Variants in SLC9A2 observed in about 807,000 individuals in gnomAD.
SLC9A2 encodes the protein solute carrier family 9 member A2.
A neutral mutation model predicts 71.7 loss-of-function variants in SLC9A2; 42 were observed. The ratio of observed to expected loss-of-function variants is 0.59; its 90% CI spans 0.46 to 0.76. The LOEUF is 0.76. Ranked by LOEUF, SLC9A2 falls within the 30% of genes least tolerant of loss-of-function variation. The pLI is 0.00. For missense variants in SLC9A2, 829 were observed against 1,017.4 expected (o/e 0.81, Z 2.52); for synonymous variants, 396 against 392.5 (o/e 1.01, Z -0.10).
chr2:102,662,720 A>G (rs1013019110), intron 2 of SLC9A2, among the ~76,000 whole-genome samples: 1 of 151,810 alleles, frequency 6.6e-6, no homozygotes, highest in African/African-American at 2.4e-5. Context: ...TTTATGGAAC[A>G]GTGATGAAAT....
chr2:102,622,355 C>T (rs763751436), intron 1 of SLC9A2, among the ~76,000 whole-genome samples: 1 of 152,202 alleles, frequency 6.6e-6, no homozygotes, highest in Admixed American at 6.5e-5. Flanking sequence ...AAGGCTCCAT[C>T]GCTGGAGGGC....
rs1327056487 is a variant in SLC9A2 at position 102,632,037 on chromosome 2, T to TAC, written c.289+11902_289+11903dup. ...ATATATATATATATATATATATATATACATACACACACACATATATATACA... is the reference window on the plus strand; with the variant it reads ...ATATATATATATATATATATATATATACACATACACACACACATATATATACA... On this transcript the variant is annotated intron_variant, in intron 1 of 11. Transcript: ENST00000233969. 1.9e-3 allele frequency among the ~76,000 whole-genome samples: 115 copies of TAC among 60,838 alleles called. 2 individuals are homozygous for TAC. Among genetic ancestry groups the TAC allele is most frequent in the Middle Eastern group, 0.013 (1 of 76 alleles). 39.9% of individuals were successfully genotyped at this position (60,838 alleles called of 152,430 possible).
At chr2:102,669,837 C>T (rs112003002) in intron 3 of SLC9A2, among the ~76,000 whole-genome samples, 14 of 152,026 alleles carry the variant, frequency 9.2e-5, no homozygotes, top group African/African-American at 3.4e-4. Context: ...CACTTTTGGA[C>T]TTCAGGCTCC....
At chr2:102,644,070 A>G (rs1487152648) in intron 1 of SLC9A2, among the ~76,000 whole-genome samples, 3 of 152,118 alleles carry the variant, frequency 2.0e-5, no homozygotes, top group African/African-American at 7.2e-5. Context: ...CCAAATAGGA[A>G]CAGCTCCCAG....
At chr2:102,649,854 T>C (rs964048332) in intron 1 of SLC9A2, among the ~76,000 whole-genome samples, 2 of 152,150 alleles carry the variant, frequency 1.3e-5, no homozygotes, top group Non-Finnish European at 2.9e-5. Context: ...TAGGAAAGCT[T>C]TTACACTGTC....
chr2:102,639,778 C>G (rs1422734645), intron 1 of SLC9A2, among the ~76,000 whole-genome samples: 1 of 152,134 alleles, frequency 6.6e-6, no homozygotes, highest in Non-Finnish European at 1.5e-5. Flanking sequence ...ATTCTAGGTA[C>G]CTTATGTAAG....
intron 1 of SLC9A2, among the ~76,000 whole-genome samples, chr2:102,636,103 T>C (rs1328098671): frequency 1.3e-5 from 2 of 152,200 alleles, no homozygotes; most frequent in African/African-American, 4.8e-5. Context: ...TAGAACTATA[T>C]GGAACTGTAA....
At chr2:102,687,351 G>C (rs763944940) in intron 5 of SLC9A2, among the ~76,000 whole-genome samples, 1 of 152,064 alleles carries the variant, frequency 6.6e-6, no homozygotes, top group African/African-American at 2.4e-5. Context: ...CTTCAGAAAA[G>C]ATATCTTTTC....
intron 2 of SLC9A2, among the ~76,000 whole-genome samples, chr2:102,659,673 A>T (rs2104521585): frequency 6.6e-6 from 1 of 152,346 alleles, no homozygotes; most frequent in Admixed American, 6.5e-5. Context: ...AATCCGCTTC[A>T]TATATTCCAT....
At chr2:102,680,068 C>T (rs1330801425) in intron 3 of SLC9A2, among the ~76,000 whole-genome samples, 1 of 145,352 alleles carries the variant, frequency 6.9e-6, no homozygotes, top group Non-Finnish European at 1.6e-5. Context: ...TAATAAAACC[C>T]TTTTGAAGTA....
At chr2:102,636,804 G>A (rs1384258096) in intron 1 of SLC9A2, among the ~76,000 whole-genome samples, 4 of 152,150 alleles carry the variant, frequency 2.6e-5, no homozygotes, top group Non-Finnish European at 5.9e-5. Context: ...CGCCCTAGTG[G>A]CCCTTCCCCC....
chr2:102,676,707 C>G (rs1351747884), intron 3 of SLC9A2, among the ~76,000 whole-genome samples: 1 of 152,196 alleles, frequency 6.6e-6, no homozygotes. Flanking sequence ...CATTCATGCC[C>G]TGGAATAATT....
intron 1 of SLC9A2, among the ~76,000 whole-genome samples, chr2:102,623,755 T>C (rs114964273): frequency 0.021 from 3,165 of 152,202 alleles, 118 homozygotes; most frequent in African/African-American, 0.072. Context: ...TTGTGTAGTG[T>C]ACCTGACCTT....
chr2:102,671,392 C>T (rs544381274), intron 3 of SLC9A2, among the ~76,000 whole-genome samples: 3 of 152,104 alleles, frequency 2.0e-5, no homozygotes, highest in Non-Finnish European at 4.4e-5. Context: ...TAAAATGATG[C>T]GAGAAATTAA....
chr2:102,642,916 T>C (rs1464321919), intron 1 of SLC9A2, among the ~76,000 whole-genome samples: 1 of 151,998 alleles, frequency 6.6e-6, no homozygotes, highest in Non-Finnish European at 1.5e-5. Context: ...CAAACTGCAG[T>C]TGGTGTTTTT....
intron 3 of SLC9A2, among the ~76,000 whole-genome samples, chr2:102,667,766 C>A (rs1423989691): frequency 1.3e-5 from 2 of 152,034 alleles, no homozygotes; most frequent in African/African-American, 4.8e-5. Context: ...TTCTTTATTA[C>A]ATTTAAACTA....
In SLC9A2 at chr2:102,709,359, C is replaced by A. The variant is rs1048802681; in HGVS notation, c.*870C>A. The A allele has an allele frequency of 2.0e-5, 3 of 152,078 alleles. No homozygotes were observed. Among genetic ancestry groups the A allele is most frequent in the Admixed American group, 6.6e-5 (1 of 15,262 alleles). 9.4% of individuals were successfully genotyped at this position (152,078 alleles called of 1,614,324 possible). Reference sequence around the variant, plus strand: ...GCCACAGGGCAGCACCTGGTTACAACTTGCTGGTGGGTTTTATGTTGTGCA... The same window carrying A: ...GCCACAGGGCAGCACCTGGTTACAAATTGCTGGTGGGTTTTATGTTGTGCA... On this transcript the variant is annotated 3_prime_UTR_variant, in exon 12 of 12. Transcript: ENST00000233969.
intron 1 of SLC9A2, among the ~76,000 whole-genome samples, chr2:102,641,625 A>G (rs1441115121): frequency 6.6e-6 from 1 of 151,856 alleles, no homozygotes; most frequent in Non-Finnish European, 1.5e-5. Context: ...TGAAACTTAC[A>G]CTTCCTGCTC....
chr2:102,651,941 T>C (rs563058971), intron 1 of SLC9A2, among the ~76,000 whole-genome samples: 17 of 135,038 alleles, frequency 1.3e-4, no homozygotes, highest in African/African-American at 5.2e-4. Flanking sequence ...GTTTTTGTTG[T>C]TGTTGTTGTT....
Sources: gnomAD v4.1 joint callset for allele counts (sites outside exome capture counted in the v4.1 genomes callset) on GRCh38, gnomAD v4.1.1 for gene constraint, MANE v1.5 for transcripts, NCBI Gene and HGNC (gene_info 2026-07-23, HGNC 2026-07-21) for gene names.